Variants in ARHGAP15 observed in about 807,000 individuals in gnomAD.
ARHGAP15 encodes Rho GTPase activating protein 15, also known as rho GTPase-activating protein 15.
Under a neutral mutation model 63.7 loss-of-function variants are expected in ARHGAP15, and 51 were observed. The ratio of observed to expected loss-of-function variants is 0.80; its 90% CI spans 0.64 to 1.01. The LOEUF is 1.01. ARHGAP15 is among the 50% of genes least tolerant of loss of function. The pLI is 0.00. For synonymous variants in ARHGAP15, 191 were observed against 193.8 expected (o/e 0.99, Z 0.12); for missense variants, 560 against 564.6 (o/e 0.99, Z 0.08).
At chr2:143,389,869 TC>T (rs1490568939) in intron 6 of ARHGAP15, among the ~76,000 whole-genome samples, 1 of 152,130 alleles carries the variant, frequency 6.6e-6, no homozygotes, top group Non-Finnish European at 1.5e-5. Flanking sequence ...TTTCCTCCTT[TC>T]CAGAAAGCAA....
At chr2:143,223,338 A>G (rs531211293) in intron 4 of ARHGAP15, among the ~76,000 whole-genome samples, 1 of 152,216 alleles carries the variant, frequency 6.6e-6, no homozygotes, top group South Asian at 2.1e-4. Context: ...TCAAACCCTT[A>G]CCTGATTGTT....
At chr2:143,755,238 C>G (rs990118706) in intron 13 of ARHGAP15, among the ~76,000 whole-genome samples, 5 of 149,500 alleles carry the variant, frequency 3.3e-5, no homozygotes, top group African/African-American at 1.3e-4. Context: ...TCTTTAATAT[C>G]TTTAATAGGT....
intron 8 of ARHGAP15, among the ~76,000 whole-genome samples, chr2:143,462,384 A>G (rs1690986893): frequency 6.6e-6 from 1 of 152,198 alleles, no homozygotes; most frequent in Non-Finnish European, 1.5e-5. Flanking sequence ...AAAGACTACA[A>G]AGAAGAAATG....
At chr2:143,549,286 A>G (rs188366798) in intron 10 of ARHGAP15, among the ~76,000 whole-genome samples, 3 of 152,328 alleles carry the variant, frequency 2.0e-5, no homozygotes, top group Non-Finnish European at 4.4e-5. Context: ...AAAAATCCCA[A>G]TGAAATAATA....
chr2:143,138,891 T>C (rs1186442855), intron 1 of ARHGAP15, among the ~76,000 whole-genome samples: 1 of 152,114 alleles, frequency 6.6e-6, no homozygotes, highest in African/African-American at 2.4e-5. Flanking sequence ...TTAAATAAAA[T>C]TATTAAAATT....
chr2:143,747,810 C>T (rs1686227050), intron 13 of ARHGAP15, among the ~76,000 whole-genome samples: 1 of 152,168 alleles, frequency 6.6e-6, no homozygotes. Context: ...CATCTAGAAT[C>T]TTTAACTTAA....
At chr2:143,178,254 A>G (rs1462219095) in intron 2 of ARHGAP15, among the ~76,000 whole-genome samples, 2 of 152,218 alleles carry the variant, frequency 1.3e-5, no homozygotes, top group African/African-American at 2.4e-5. Context: ...GGCAGAGACT[A>G]TATATTATTT....
At position 143,509,542 on chromosome 2, in the gene ARHGAP15, G is replaced by A. The variant is rs751874046; in HGVS notation, c.827-9724G>A. On this transcript the variant is annotated intron_variant, in intron 9 of 13. Coordinates refer to ENST00000295095, the MANE Select transcript of ARHGAP15 (RefSeq NM_018460.4). Reference sequence around the variant, plus strand: ...ATTCTGTCGTGTTTTAGCATTAGGCGTATTTTTTCTGTGTCTTAATTCAAA... The same window carrying A: ...ATTCTGTCGTGTTTTAGCATTAGGCATATTTTTTCTGTGTCTTAATTCAAA... Among the ~76,000 whole-genome samples, 7 of 152,238 alleles carry A rather than the reference G, an allele frequency of 4.6e-5. 1 individual carries two copies. The highest frequency in any genetic ancestry group is 2.6e-4 in the Admixed American group (4 of 15,294).
intron 12 of ARHGAP15, among the ~76,000 whole-genome samples, chr2:143,673,153 T>C (rs1037612591): frequency 2.0e-5 from 3 of 152,174 alleles, no homozygotes; most frequent in South Asian, 2.1e-4. Context: ...AAGAAAACCT[T>C]GATTCTTACT....
At chr2:143,679,646 CGTGTGTGCGTGTGTGT>C (rs1382299493) in intron 12 of ARHGAP15, among the ~76,000 whole-genome samples, 42 of 38,344 alleles carry the variant, frequency 1.1e-3, no homozygotes, top group African/African-American at 1.6e-3. Context: ...TGAGGGGGTG[CGTGTGTGCGTGTGTGT>C]GTGTGTGTGT....
chr2:143,524,163 C>T (rs1047481753), intron 10 of ARHGAP15, among the ~76,000 whole-genome samples: 1 of 152,138 alleles, frequency 6.6e-6, no homozygotes, highest in African/African-American at 2.4e-5. Context: ...TGAGAAGGTC[C>T]TTAGCCTCAA....
In ARHGAP15 at chr2:143,510,270, G is replaced by A. The variant is rs772879950; in HGVS notation, c.827-8996G>A. Among the ~76,000 whole-genome samples the A allele has an allele frequency of 8.5e-5, 13 of 152,142 alleles. 1 individual carries two copies. The South Asian group carries it at 2.7e-3, about 32-fold the overall frequency. On this transcript the variant is annotated intron_variant, in intron 9 of 13. Coordinates refer to ENST00000295095, the MANE Select transcript of ARHGAP15 (RefSeq NM_018460.4). Reference sequence around the variant, plus strand: ...CTGCCCATATGTGTGGCATTGCTGTGGGAGAAAAATTCTAAGTGAATGCTA... The same window carrying A: ...CTGCCCATATGTGTGGCATTGCTGTAGGAGAAAAATTCTAAGTGAATGCTA...
intron 12 of ARHGAP15, among the ~76,000 whole-genome samples, chr2:143,636,183 C>T (rs2105263207): frequency 6.6e-6 from 1 of 152,228 alleles, no homozygotes; most frequent in Admixed American, 6.5e-5. Flanking sequence ...ACCATCTGTC[C>T]CGCTAGTTGC....
intron 6 of ARHGAP15, among the ~76,000 whole-genome samples, chr2:143,433,419 T>C (rs539105472): frequency 6.6e-6 from 1 of 152,108 alleles, no homozygotes; most frequent in Non-Finnish European, 1.5e-5. Flanking sequence ...TCTGATAGTA[T>C]GTTTTGAATG....
chr2:143,536,601 C>A (rs532603115), intron 10 of ARHGAP15, among the ~76,000 whole-genome samples: 1 of 150,186 alleles, frequency 6.7e-6, no homozygotes, highest in African/African-American at 2.5e-5. Flanking sequence ...TCAATTCCCA[C>A]CTATGAACGA....
Position 143,673,383 on chromosome 2 carries a change from C to T in ARHGAP15, c.1139-30036C>T, listed in dbSNP as rs922396379. ...CATGAGCTCGGCTCACTGCAACCTC[C>T]GCCTCCTGGGTTCAAGCAATTCTCC... On this transcript the variant is annotated intron_variant, in intron 12 of 13. Transcript: ENST00000295095. Among the ~76,000 whole-genome samples the T allele has an allele frequency of 2.1e-4, 32 of 152,068 alleles. 1 individual carries two copies. The highest frequency in any genetic ancestry group is 5.5e-4 in the African/African-American group (23 of 41,490).
At chr2:143,535,276 T>A (rs900002461) in intron 10 of ARHGAP15, among the ~76,000 whole-genome samples, 1 of 152,226 alleles carries the variant, frequency 6.6e-6, no homozygotes, top group African/African-American at 2.4e-5. Flanking sequence ...TCTCCCATTA[T>A]GTACTTGCCC....
intron 6 of ARHGAP15, among the ~76,000 whole-genome samples, chr2:143,354,162 A>G (rs754501031): frequency 3.9e-5 from 6 of 152,152 alleles, no homozygotes; most frequent in Admixed American, 2.6e-4. Context: ...GTCTCTTCAC[A>G]CTTTCAGAGG....
At chr2:143,751,172 C>T (rs1303997738) in intron 13 of ARHGAP15, among the ~76,000 whole-genome samples, 1 of 152,222 alleles carries the variant, frequency 6.6e-6, no homozygotes, top group Non-Finnish European at 1.5e-5. Flanking sequence ...CCGGACAAAG[C>T]CTGGCTACCC....
Sources: allele counts gnomAD v4.1 joint callset (sites outside exome capture counted in the v4.1 genomes callset), GRCh38; gene constraint gnomAD v4.1.1; transcripts MANE v1.5; gene names NCBI Gene and HGNC (gene_info 2026-07-23, HGNC 2026-07-21).